TBC1D4: variants seen among roughly 807,000 people sequenced by gnomAD.
The protein encoded by TBC1D4 is TBC (Tre-2, BUB2, CDC16) domain-containing protein.
A neutral mutation model predicts 142.5 loss-of-function variants in TBC1D4; 121 were observed. The ratio of observed to expected loss-of-function variants is 0.85; its 90% confidence interval spans 0.73 to 0.99. The LOEUF (loss-of-function observed/expected upper bound fraction) is 0.99, where lower values mean the gene tolerates loss of function less well. Among genes scored for constraint, TBC1D4 ranks in the 50% least tolerant of loss-of-function variants. TBC1D4 has a pLI of 0.00. For missense variants in TBC1D4, 1,475 were observed against 1,606.6 expected (o/e 0.92, Z 1.40); for synonymous variants, 630 against 628.2 (o/e 1.00, Z -0.04).
chr13:75,341,275 C>T (rs1349380844), intron 6 of TBC1D4, 40 bp from the exon 7 acceptor site: 2 of 1,540,466 alleles, frequency 1.3e-6, no homozygotes, highest in Admixed American at 1.7e-5. Flanking sequence ...ATGGCAACAC[C>T]ACTTCCCTCC....
chr13:75,327,256 A>G (rs950049355), intron 9 of TBC1D4, among the ~76,000 whole-genome samples: 4 of 152,194 alleles, frequency 2.6e-5, no homozygotes, highest in African/African-American at 7.2e-5. Flanking sequence ...ATATTTTAAT[A>G]TATTTCCATT....
intron 4 of TBC1D4, among the ~76,000 whole-genome samples, chr13:75,353,717 C>T (rs1369257456): frequency 6.6e-6 from 1 of 152,062 alleles, no homozygotes; most frequent in Non-Finnish European, 1.5e-5. Flanking sequence ...GGTACTCAGA[C>T]TATAGTAGGG....
At chr13:75,312,424 A>AAAG (rs1555301659) in intron 13 of TBC1D4, among the ~76,000 whole-genome samples, 6 of 136,016 alleles carry the variant, frequency 4.4e-5, no homozygotes, top group African/African-American at 1.3e-4. Flanking sequence ...GGGAAAAAAA[A>AAAG]AAAGAAAGAA....
chr13:75,463,252 T>G (rs1158700508), intron 1 of TBC1D4, among the ~76,000 whole-genome samples: 1 of 152,168 alleles, frequency 6.6e-6, no homozygotes, highest in African/African-American at 2.4e-5. Flanking sequence ...TACTCATGTG[T>G]TTTAACAAGA....
Position 75,481,278 on chromosome 13 carries a change from G to A in TBC1D4, c.490C>T (p.Pro164Ser), listed in dbSNP as rs1888856069. The change falls in exon 1 of 21, where the codon CCC (proline) becomes TCC (serine). Residue 164 changes from proline (P) to serine (S), a missense_variant. Pro to Ser is a moderately conservative substitution (Grantham distance 74). This residue lies in a region of TBC1D4 where 1,227 missense variants were observed against 1,267.7 expected (regional missense o/e 0.97). Transcript: ENST00000377636. ...MACHVFRATD[P>S]SQVPDVISSI... ...CCGAGCCCCTGTCTTGCCTGGCTGG[G>A]GTCTGTGGCGCGGAAAACGTGGCAG... is the stretch of plus-strand genomic sequence containing the variant. 3.1e-6 allele frequency: 5 copies of A among 1,613,618 alleles called. No homozygotes were observed. Among genetic ancestry groups the A allele is most frequent in the Non-Finnish European group, 4.2e-6 (5 of 1,179,764 alleles).
In TBC1D4 at chr13:75,432,668, G is replaced by A. The variant is rs529942506; in HGVS notation, c.498+48602C>T. 5.9e-5 allele frequency among the ~76,000 whole-genome samples: 9 copies of A among 152,220 alleles called. No individual in the cohort carries two copies. The South Asian group carries it at 1.5e-3, about 25-fold the overall frequency. ...ATAACTATTTACAAGTAAAGACATA[G>A]AAGAAAGGAACTAATATTTTCAAGT... is the stretch of plus-strand genomic sequence containing the variant. On this transcript the variant is annotated intron_variant, in intron 1 of 20. Coordinates refer to ENST00000377636, the MANE Select transcript of TBC1D4 (RefSeq NM_014832.5).
At chr13:75,364,064 G>A (rs1882751225) in intron 1 of TBC1D4, among the ~76,000 whole-genome samples, 1 of 152,156 alleles carries the variant, frequency 6.6e-6, no homozygotes, top group Non-Finnish European at 1.5e-5. Context: ...CACAAAGGTG[G>A]GAGAACTCAA....
rs1339578825 is a variant in TBC1D4 at position 75,365,024 on chromosome 13, G to A, written c.499-2417C>T. Among the ~76,000 whole-genome samples the A allele has an allele frequency of 2.6e-5, 4 of 152,134 alleles. No homozygotes were observed. In the East Asian group the frequency reaches 7.7e-4, roughly 29 times the overall value. Reference sequence around the variant, plus strand: ...TTGAATTTCTCTACCGCCATATCAAGAGTTTTTACATGAAAAACTGATTTG... The same window carrying A: ...TTGAATTTCTCTACCGCCATATCAAAAGTTTTTACATGAAAAACTGATTTG... On this transcript the variant is annotated intron_variant, in intron 1 of 20. Coordinates refer to ENST00000377636, the MANE Select transcript of TBC1D4 (RefSeq NM_014832.5).
chr13:75,431,012 C>T (rs980235846), intron 1 of TBC1D4, among the ~76,000 whole-genome samples: 3 of 152,098 alleles, frequency 2.0e-5, no homozygotes, highest in African/African-American at 7.2e-5. Flanking sequence ...TGAGGGGTGC[C>T]CAGCAAATGA....
At chr13:75,455,077 A>G (rs1887675992) in intron 1 of TBC1D4, among the ~76,000 whole-genome samples, 2 of 152,196 alleles carry the variant, frequency 1.3e-5, no homozygotes, top group African/African-American at 4.8e-5. Context: ...CTGATCAGAA[A>G]GATCAAAATA....
chr13:75,349,075 T>A, intron 5 of TBC1D4, 95 bp downstream of exon 5: 1 of 1,583,162 alleles, frequency 6.3e-7, no homozygotes, highest in Non-Finnish European at 8.6e-7. Context: ...TTGTTTCACA[T>A]CGAAACAAAG....
At chr13:75,356,389 T>C (rs946262430) in intron 3 of TBC1D4, 138 bp from the exon 4 acceptor site, 6 of 715,110 alleles carry the variant, frequency 8.4e-6, no homozygotes, top group Admixed American at 2.0e-5. Context: ...GGGGACATAA[T>C]GCCATAGCAA....
At chr13:75,290,330 T>G (rs1171649080) in intron 19 of TBC1D4, among the ~76,000 whole-genome samples, 1 of 152,106 alleles carries the variant, frequency 6.6e-6, no homozygotes, top group Non-Finnish European at 1.5e-5. Context: ...TTCATCAAAG[T>G]CTCCCTTAAT....
At chr13:75,392,587 C>G (rs1204797733) in intron 1 of TBC1D4, among the ~76,000 whole-genome samples, 2 of 151,618 alleles carry the variant, frequency 1.3e-5, no homozygotes, top group African/African-American at 4.9e-5. Context: ...TCTTTCCGTT[C>G]TTCCTCCCCC....
intron 7 of TBC1D4, among the ~76,000 whole-genome samples, chr13:75,339,464 C>A (rs191166392): frequency 3.9e-5 from 6 of 152,280 alleles, no homozygotes; most frequent in East Asian, 1.9e-4. Flanking sequence ...TCTCATTCTG[C>A]CTATCATCCC....
chr13:75,296,797 C>T (rs56270734), intron 17 of TBC1D4, among the ~76,000 whole-genome samples: 35,604 of 151,978 alleles, frequency 0.23, 4,738 homozygotes, highest in Admixed American at 0.28. Flanking sequence ...CAGAAACAAA[C>T]GTGACAAGAT....
intron 1 of TBC1D4, among the ~76,000 whole-genome samples, chr13:75,432,337 A>T (rs539882219): frequency 1.4e-3 from 220 of 152,340 alleles, no homozygotes; most frequent in Non-Finnish European, 2.6e-3. Context: ...GACTATGACT[A>T]AAAGGTCCAT....
chr13:75,418,867 A>G (rs192796216), intron 1 of TBC1D4, among the ~76,000 whole-genome samples: 1 of 152,202 alleles, frequency 6.6e-6, no homozygotes, highest in Non-Finnish European at 1.5e-5. Context: ...ACACACATAT[A>G]CCCTGTTACT....
At chr13:75,348,786 G>C (rs1881350795) in intron 5 of TBC1D4, among the ~76,000 whole-genome samples, 1 of 152,170 alleles carries the variant, frequency 6.6e-6, no homozygotes, top group African/African-American at 2.4e-5. Flanking sequence ...ATAAACACTT[G>C]ACATTCTGTG....
Sources: gnomAD v4.1 joint callset for allele counts (sites outside exome capture counted in the v4.1 genomes callset) on GRCh38, gnomAD v4.1.1 for gene constraint, gnomAD v4.1.1 regional missense constraint, MANE v1.5 for transcripts, NCBI Gene and HGNC (gene_info 2026-07-23, HGNC 2026-07-21) for gene names.